DBX1: variants seen among roughly 807,000 people sequenced by gnomAD.
The protein encoded by DBX1 is homeobox protein DBX1.
In DBX1, 10 loss-of-function variants were observed where a neutral mutation model predicts 20.8. That is an observed-to-expected ratio of 0.48 (90% CI 0.30 to 0.82). The LOEUF (loss-of-function observed/expected upper bound fraction) is 0.82. DBX1 is among the 40% of genes least tolerant of loss of function. The pLI, the probability that DBX1 is intolerant of heterozygous loss-of-function variation, is 0.07. For missense variants in DBX1, 505 were observed against 468.8 expected, an observed-to-expected ratio of 1.08 and a Z score of -0.71; for synonymous variants, 241 against 213.9, an observed-to-expected ratio of 1.13 and a Z score of -1.11.
chr11:20,156,823 G>A lies in DBX1; in HGVS notation c.672+214C>T, dbSNP rs1237657917. 2 of 760,780 alleles carry A rather than the reference G, an allele frequency of 2.6e-6. No individual in the cohort carries two copies. The highest frequency in any genetic ancestry group is 2.4e-5 in the Admixed American group (1 of 41,016). The allele number at this position is 760,780 out of a possible 1,614,324, so 47.1% of individuals were successfully genotyped here. A position where few individuals can be genotyped will look rare whatever the true frequency, so the allele number is the denominator to read the frequency against. ...GCGGGGTTGGGGGCCGGTGAGGCCGGGAGAGAAGGCGGGGAGTCGGGGTGG... is the reference window on the plus strand; with the variant it reads ...GCGGGGTTGGGGGCCGGTGAGGCCGAGAGAGAAGGCGGGGAGTCGGGGTGG... On this transcript the variant is annotated intron_variant, in intron 3 of 3. Coordinates refer to ENST00000524983, the MANE Select transcript of DBX1 (RefSeq NM_001029865.4). This position sits in a 1 kb window ranked among gnomAD's most constrained non-coding sequence, Gnocchi z 4.8.
intron 2 of DBX1, 123 bp from the exon 3 acceptor site, chr11:20,157,362 G>GA: frequency 3.4e-6 from 3 of 893,884 alleles, no homozygotes; most frequent in Non-Finnish European, 5.0e-6. Context: ...TCCCCCTGGA[G>GA]AATAGGCCAC....
In DBX1 at chr11:20,159,229, C is replaced by T. The variant is rs147543596; in HGVS notation, c.431G>A (p.Gly144Glu). The change falls in exon 2 of 4, where the codon GGG becomes GAG. Residue 144 changes from glycine (G) to glutamate (E), a missense_variant. By Grantham distance (98) the Gly-to-Glu change is moderately conservative (BLOSUM62 -2). Transcript: ENST00000524983. The stretch of plus-strand genomic sequence containing the variant: ...AGATCTGATGAAAGGCTGAAAAGAC[C>T]CTTCGAAGTAGGGAAAGGCGAAGGT... ...PKTFAFPYFE[G>E]SFQPFIRSSY... The T allele has an allele frequency of 1.9e-6, 3 of 1,613,642 alleles. No homozygotes were observed. The highest frequency in any genetic ancestry group is 2.7e-5 in the African/African-American group (2 of 74,816).
At position 20,156,308 on chromosome 11, in the gene DBX1, G is replaced by A. The variant is rs1159330921; in HGVS notation, c.938C>T (p.Pro313Leu). ...PRLPGPLPPS[P>L]AHSSSPGKPS... ...TTTCCCGGGACTGCTCGAGTGCGCG[G>A]GCGAGGGGGGCAGCGGCCCTGGCAG... is the stretch of plus-strand genomic sequence containing the variant. The change falls in exon 4 of 4, where the codon CCC becomes CTC. Residue 313 changes from proline to leucine, a missense_variant. Pro to Leu is a moderately conservative substitution (Grantham distance 98, BLOSUM62 -3). Coordinates refer to ENST00000524983, the MANE Select transcript of DBX1 (RefSeq NM_001029865.4). The surrounding 1 kb of genome is among the most constrained non-coding windows in gnomAD (Gnocchi z 4.8). 7 of 1,562,068 alleles carry A rather than the reference G, an allele frequency of 4.5e-6. No homozygotes were observed. Among genetic ancestry groups the A allele is most frequent in the Non-Finnish European group, 6.1e-6 (7 of 1,154,246 alleles).
rs978108880 is a variant in DBX1, at chr11:20,160,310, G to T, written c.15C>A (p.Gly5=). 2.0e-6 allele frequency: 3 copies of T among 1,520,834 alleles called. No individual in the cohort carries two copies. The African/African-American group carries it at 4.2e-5, about 21-fold the overall frequency. The allele number at this position is 1,520,834 out of a possible 1,614,324, so 94.2% of individuals were successfully genotyped here. A position where few individuals can be genotyped will look rare whatever the true frequency, so the allele number is the denominator to read the frequency against. ...GGTACCCGGCGGGGGGCGCGAGGAGGCCGGGGAACATCATGGTAGGCGCGG... is the reference window on the plus strand; with the variant it reads ...GGTACCCGGCGGGGGGCGCGAGGAGTCCGGGGAACATCATGGTAGGCGCGG... The part of the protein sequence containing the change: MMFP[G]LLAPPAGYPS... The change falls in exon 1 of 4, where the codon GGC becomes GGA. Residue 5 remains glycine, a synonymous_variant. Transcript: ENST00000524983.
At position 20,156,991 on chromosome 11, in the gene DBX1, G is replaced by T. The variant is rs2063661891; in HGVS notation, c.672+46C>A. Reference sequence around the variant, plus strand: ...CAATTGACGGGTGCGCCGGGGAGGGGTGAAGGGCGGGGGCGGGGGGGGTGC... The same window carrying T: ...CAATTGACGGGTGCGCCGGGGAGGGTTGAAGGGCGGGGGCGGGGGGGGTGC... On this transcript the variant is annotated intron_variant, in intron 3 of 3. Transcript: ENST00000524983. The surrounding 1 kb of genome is among the most constrained non-coding windows in gnomAD (Gnocchi z 4.8). 1 of 1,569,470 alleles carries T rather than the reference G, an allele frequency of 6.4e-7. No individual in the cohort carries two copies. The highest frequency in any genetic ancestry group is 8.7e-7 in the Non-Finnish European group (1 of 1,155,536).
Position 20,160,249 on chromosome 11 carries a change from G to T in DBX1, c.76C>A (p.Pro26Thr). 6.5e-7 allele frequency: 1 copy of T among 1,544,276 alleles called. No individual in the cohort carries two copies. Among genetic ancestry groups the T allele is most frequent in the Non-Finnish European group, 8.7e-7 (1 of 1,146,086 alleles). Reference sequence around the variant, plus strand: ...GAAAATGCCGACTGCAAGGACTGGGGCAGCGTCAAGGTGGGCGTGGGCCGC... The same window carrying T: ...GAAAATGCCGACTGCAAGGACTGGGTCAGCGTCAAGGTGGGCGTGGGCCGC... ...LLRPTPTLTL[P>T]QSLQSAFSGH... Residue 26 changes from proline to threonine, a missense_variant, in exon 1 of 4, where the codon CCC becomes ACC. Pro to Thr is a conservative substitution (Grantham distance 38). Transcript: ENST00000524983.
chr11:20,160,286 G>A lies in DBX1; in HGVS notation c.39C>T (p.Tyr13=). 1 of 1,533,294 alleles carries A rather than the reference G, an allele frequency of 6.5e-7. No individual in the cohort carries two copies. The highest frequency in any genetic ancestry group is 2.5e-5 in the East Asian group (1 of 40,616). The allele number at this position is 1,533,294 out of a possible 1,614,324, so 95.0% of individuals were successfully genotyped here. A position where few individuals can be genotyped will look rare whatever the true frequency, so the allele number is the denominator to read the frequency against. ...FPGLLAPPAG[Y]PSLLRPTPTL... is the part of the protein sequence containing the mutation. ...TGGGCGTGGGCCGCAGGAGGCTAGG[G>A]TACCCGGCGGGGGGCGCGAGGAGGC... is the stretch of plus-strand genomic sequence containing the variant. Residue 13 remains tyrosine (Y), a synonymous_variant, in exon 1 of 4, where the codon TAC becomes TAT. Transcript: ENST00000524983.
At position 20,156,824 on chromosome 11, in the gene DBX1, G is replaced by T. The variant is rs1350532848; in HGVS notation, c.672+213C>A. On this transcript the variant is annotated intron_variant, in intron 3 of 3. Coordinates refer to ENST00000524983, the MANE Select transcript of DBX1 (RefSeq NM_001029865.4). This position sits in a 1 kb window ranked among gnomAD's most constrained non-coding sequence, Gnocchi z 4.8. ...CGGGGTTGGGGGCCGGTGAGGCCGG[G>T]AGAGAAGGCGGGGAGTCGGGGTGGG... is the stretch of plus-strand genomic sequence containing the variant. The T allele has an allele frequency of 2.6e-6, 2 of 756,332 alleles. No individual in the cohort carries two copies. The highest frequency in any genetic ancestry group is 4.3e-6 in the Non-Finnish European group (2 of 465,208). 46.9% of individuals were successfully genotyped at this position (756,332 alleles called of 1,614,324 possible).
rs831463 is a variant in DBX1, at chr11:20,156,684, C to T, written c.673-111G>A. On this transcript the variant is annotated intron_variant, in intron 3 of 3. Transcript: ENST00000524983. The surrounding 1 kb of genome is among the most constrained non-coding windows in gnomAD (Gnocchi z 4.8). The stretch of plus-strand genomic sequence containing the variant: ...TCGGGTGCAGGCTCTGTCCTTCGGG[C>T]TGTGTCCTCTCCCCACCCCCAGAAA... The T allele has an allele frequency of 5.4e-6, 8 of 1,470,372 alleles. No individual in the cohort carries two copies. The highest frequency in any genetic ancestry group is 1.4e-5 in the African/African-American group (1 of 71,758). The allele number at this position is 1,470,372 out of a possible 1,614,324, so 91.1% of individuals were successfully genotyped here.
Position 20,159,121 on chromosome 11 carries a change from G to A in DBX1, c.469+70C>T, listed in dbSNP as rs1042938542. 6.4e-6 allele frequency: 7 copies of A among 1,097,192 alleles called. No homozygotes were observed. The African/African-American group carries it at 7.8e-5, about 12-fold the overall frequency. 68.0% of individuals were successfully genotyped at this position (1,097,192 alleles called of 1,614,324 possible). The stretch of plus-strand genomic sequence containing the variant: ...GGGGTGGACGGAGAAATACGGCTTC[G>A]GAGCAGGGAGCGATGGGCCGGGGCT... On this transcript the variant is annotated intron_variant, in intron 2 of 3. Transcript: ENST00000524983.
chr11:20,157,317 C>T (rs987069150), intron 2 of DBX1, 78 bp from the exon 3 acceptor site: 2 of 1,330,462 alleles, frequency 1.5e-6, no homozygotes, highest in Non-Finnish European at 2.1e-6. Context: ...GCTTTTTGCT[C>T]TGATCCCTTC....
chr11:20,157,618 C>T (rs1472348054), intron 2 of DBX1, among the ~76,000 whole-genome samples: 1 of 152,158 alleles, frequency 6.6e-6, no homozygotes, highest in Non-Finnish European at 1.5e-5. Context: ...TGTTTCTCCC[C>T]TAAGCTTTTA....
chr11:20,159,739 T>A (rs112006198), intron 1 of DBX1, among the ~76,000 whole-genome samples: 4,324 of 152,306 alleles, frequency 0.028, 217 homozygotes, highest in African/African-American at 0.099. Flanking sequence ...CTGCGTGTGC[T>A]CAAGTTCACT....
chr11:20,158,011 G>A (rs2063669294), intron 2 of DBX1, among the ~76,000 whole-genome samples: 1 of 152,144 alleles, frequency 6.6e-6, no homozygotes, highest in Non-Finnish European at 1.5e-5. Flanking sequence ...GGACAAAAGA[G>A]ATTTACACTT....
rs960681060 is a variant in DBX1 at position 20,156,956 on chromosome 11, C to T, written c.672+81G>A. The T allele has an allele frequency of 3.4e-6, 5 of 1,480,468 alleles. No homozygotes were observed. The highest frequency in any genetic ancestry group is 4.6e-6 in the Non-Finnish European group (5 of 1,078,892). 91.7% of individuals were successfully genotyped at this position (1,480,468 alleles called of 1,614,324 possible). On this transcript the variant is annotated intron_variant, in intron 3 of 3. Transcript: ENST00000524983. This position sits in a 1 kb window ranked among gnomAD's most constrained non-coding sequence, Gnocchi z 4.8. ...TGTACAGTGGGACCTAAGCCGTTTCCGAACCCTTGCAATTGACGGGTGCGC... is the reference window on the plus strand; with the variant it reads ...TGTACAGTGGGACCTAAGCCGTTTCTGAACCCTTGCAATTGACGGGTGCGC...
In DBX1 at chr11:20,159,879, G is replaced by T. The variant is rs185823620; in HGVS notation, c.367+79C>A. The T allele has an allele frequency of 2.8e-5, 45 of 1,599,270 alleles. No homozygotes were observed. In the East Asian group the frequency reaches 9.0e-4, roughly 32 times the overall value. Reference sequence around the variant, plus strand: ...CCGATGTGTGTGTGGGGGCCCGCTCGCTAGAGGAAACTGAGGCCAGGATGA... The same window carrying T: ...CCGATGTGTGTGTGGGGGCCCGCTCTCTAGAGGAAACTGAGGCCAGGATGA... On this transcript the variant is annotated intron_variant, in intron 1 of 3. Transcript: ENST00000524983.
rs2063684651 is a variant in DBX1, at chr11:20,160,424, CT to C, written c.-101del. 1 of 1,368,796 alleles carries C rather than the reference CT, an allele frequency of 7.3e-7. No homozygotes were observed. Among genetic ancestry groups the C allele is most frequent in the African/African-American group, 1.5e-5 (1 of 64,656 alleles). The allele number at this position is 1,368,796 out of a possible 1,614,324, so 84.8% of individuals were successfully genotyped here. A position where few individuals can be genotyped will look rare whatever the true frequency, so the allele number is the denominator to read the frequency against. On this transcript the variant is annotated 5_prime_UTR_variant, in exon 1 of 4. Coordinates refer to ENST00000524983, the MANE Select transcript of DBX1 (RefSeq NM_001029865.4). ...CCCCCACAGTGTCCTCTCTCTTGGGCTTAGCAAACGTCTCCAAGTAACAATC... is the reference window on the plus strand; with the variant it reads ...CCCCCACAGTGTCCTCTCTCTTGGGCTAGCAAACGTCTCCAAGTAACAATC...
rs539166918 is a variant in DBX1, at chr11:20,157,372, C to G, written c.470-133G>C. 28 of 811,768 alleles carry G rather than the reference C, an allele frequency of 3.4e-5. No individual in the cohort carries two copies. In the South Asian group the frequency reaches 4.2e-4, roughly 12 times the overall value. The allele number at this position is 811,768 out of a possible 1,614,324, so 50.3% of individuals were successfully genotyped here. A position where few individuals can be genotyped will look rare whatever the true frequency, so the allele number is the denominator to read the frequency against. ...TTTTCTCCCCCTGGAGAATAGGCCA[C>G]GAACCTACAAACCTGCGAGAGTGAA... On this transcript the variant is annotated intron_variant, in intron 2 of 3. Transcript: ENST00000524983.
At chr11:20,157,308 CT>C (rs1232794926) in intron 2 of DBX1, 69 bp from the exon 3 acceptor site, 5 of 1,402,428 alleles carry the variant, frequency 3.6e-6, no homozygotes, top group Non-Finnish European at 4.8e-6. Flanking sequence ...CTCTCCCTGG[CT>C]TTTTGCTCTG....
Sources: gnomAD v4.1 joint callset for allele counts (sites outside exome capture counted in the v4.1 genomes callset) on GRCh38, gnomAD v4.1.1 for gene constraint, Gnocchi (gnomAD v3.1) non-coding constraint, MANE v1.5 for transcripts, NCBI Gene and HGNC (gene_info 2026-07-23, HGNC 2026-07-21) for gene names.